Variants in GPD1L observed in about 807,000 individuals in gnomAD.
GPD1L encodes the protein glycerol-3-phosphate dehydrogenase 1-like protein.
In GPD1L, 17 loss-of-function variants were observed where a neutral mutation model predicts 32.9. The observed-to-expected ratio is 0.52, with a 90% CI of 0.35 to 0.78. The LOEUF is 0.78. Among genes scored for constraint, GPD1L ranks in the 30% least tolerant of loss-of-function variants. GPD1L has a pLI of 0.01. For synonymous variants in GPD1L, 187 were observed against 165.9 expected (o/e 1.13, Z -0.98); for missense variants, 361 against 447.8 (o/e 0.81, Z 1.75).
chr3:32,143,720 G>A (rs1204612032), intron 4 of GPD1L, among the ~76,000 whole-genome samples: 1 of 151,810 alleles, frequency 6.6e-6, no homozygotes, highest in Non-Finnish European at 1.5e-5. Flanking sequence ...GCGCACACCT[G>A]TAATCCCAGC....
chr3:32,111,879 G>C (rs972028566), intron 1 of GPD1L, among the ~76,000 whole-genome samples: 1 of 151,112 alleles, frequency 6.6e-6, no homozygotes, highest in African/African-American at 2.4e-5. Flanking sequence ...CATCCGCCCT[G>C]GGCACCCTTT....
intron 1 of GPD1L, among the ~76,000 whole-genome samples, chr3:32,108,936 G>A (rs527791226): frequency 5.6e-4 from 86 of 152,246 alleles, no homozygotes; most frequent in Non-Finnish European, 6.8e-4. Context: ...TGCAAGCTCC[G>A]CTTCCTGGGT....
chr3:32,133,314 T>C (rs1700613776), intron 2 of GPD1L, among the ~76,000 whole-genome samples: 1 of 152,228 alleles, frequency 6.6e-6, no homozygotes, highest in Non-Finnish European at 1.5e-5. Flanking sequence ...AGCCTTGGTA[T>C]CTTTTATTTG....
intron 7 of GPD1L, among the ~76,000 whole-genome samples, chr3:32,160,940 A>G (rs1701066234): frequency 6.6e-6 from 1 of 152,166 alleles, no homozygotes. Context: ...CTCTCCCGTA[A>G]TACTCTCTAG....
At chr3:32,164,721 G>A (rs11129501) in intron 7 of GPD1L, among the ~76,000 whole-genome samples, 83,147 of 152,008 alleles carry the variant, frequency 0.55, 24,539 homozygotes, top group East Asian at 0.86. Flanking sequence ...AAAACATTCC[G>A]TACCTTAAAA....
At chr3:32,116,341 A>G (rs991297250) in intron 1 of GPD1L, among the ~76,000 whole-genome samples, 4 of 152,204 alleles carry the variant, frequency 2.6e-5, no homozygotes, top group African/African-American at 9.6e-5. Context: ...GTCCCAGTCT[A>G]ATTTCAGAGC....
chr3:32,158,488 G>A (rs768190949), intron 5 of GPD1L: 15 of 326,126 alleles, frequency 4.6e-5, no homozygotes, highest in African/African-American at 8.6e-5. Flanking sequence ...TCTTCAATCC[G>A]TGCACTTAGG....
chr3:32,120,978 C>T (rs922446874), intron 1 of GPD1L, among the ~76,000 whole-genome samples: 1 of 152,044 alleles, frequency 6.6e-6, no homozygotes, highest in Admixed American at 6.5e-5. Flanking sequence ...GTTAGGACCT[C>T]CTGCAGGCGG....
At position 32,110,214 on chromosome 3, in the gene GPD1L, G is replaced by A. The variant is rs973419099; in HGVS notation, c.47+3456G>A. On this transcript the variant is annotated intron_variant, in intron 1 of 7. Transcript: ENST00000282541. Reference sequence around the variant, plus strand: ...ATTACAGGCGTAAGCCACTGCGCCCGGCCTAAATCGTGTTTCTTAAATTGT... The same window carrying A: ...ATTACAGGCGTAAGCCACTGCGCCCAGCCTAAATCGTGTTTCTTAAATTGT... Among the ~76,000 whole-genome samples the A allele has an allele frequency of 2.0e-5, 3 of 152,224 alleles. No homozygotes were observed. The East Asian group carries it at 5.8e-4, about 29-fold the overall frequency.
At chr3:32,150,565 C>T (rs1163777361) in intron 5 of GPD1L, among the ~76,000 whole-genome samples, 1 of 150,516 alleles carries the variant, frequency 6.6e-6, no homozygotes, top group Non-Finnish European at 1.5e-5. Context: ...CAGCTTACTG[C>T]AACCTCTGCC....
intron 4 of GPD1L, among the ~76,000 whole-genome samples, chr3:32,145,338 C>T (rs1164103167): frequency 1.3e-5 from 2 of 150,712 alleles, no homozygotes; most frequent in Admixed American, 6.6e-5. Flanking sequence ...AATAAAGTTA[C>T]TACCTATTAT....
intron 1 of GPD1L, 23 bp from the exon 2 acceptor site, chr3:32,128,053 C>G (rs1360499240): frequency 1.3e-6 from 2 of 1,570,114 alleles, no homozygotes; most frequent in South Asian, 1.1e-5. Context: ...TTATGTTTTT[C>G]TTTTCCACGA....
In GPD1L at chr3:32,158,636, C is replaced by T. The variant is rs1021587216; in HGVS notation, c.619-240C>T. On this transcript the variant is annotated intron_variant, in intron 5 of 7. Transcript: ENST00000282541. Reference sequence around the variant, plus strand: ...CCGTTCTGATTTTCTGTCCAATGCTCTTCAACTGCTGACCCCAAATATGGG... The same window carrying T: ...CCGTTCTGATTTTCTGTCCAATGCTTTTCAACTGCTGACCCCAAATATGGG... 3.9e-6 allele frequency: 3 copies of T among 769,626 alleles called. No individual in the cohort carries two copies. The African/African-American group carries it at 5.3e-5, about 14-fold the overall frequency. 47.7% of individuals were successfully genotyped at this position (769,626 alleles called of 1,614,324 possible). A position where few individuals can be genotyped will look rare whatever the true frequency, so the allele number is the denominator to read the frequency against.
At chr3:32,115,392 C>G (rs974009398) in intron 1 of GPD1L, among the ~76,000 whole-genome samples, 7 of 152,184 alleles carry the variant, frequency 4.6e-5, no homozygotes, top group Non-Finnish European at 7.4e-5. Flanking sequence ...AATACTTTAG[C>G]TAGGCAGAAA....
At chr3:32,143,651 T>G (rs933225395) in intron 4 of GPD1L, among the ~76,000 whole-genome samples, 4 of 152,080 alleles carry the variant, frequency 2.6e-5, no homozygotes, top group Non-Finnish European at 5.9e-5. Flanking sequence ...GAGACCAGCC[T>G]GGGCAACATA....
At chr3:32,161,422 G>A (rs1701072274) in intron 7 of GPD1L, among the ~76,000 whole-genome samples, 1 of 152,164 alleles carries the variant, frequency 6.6e-6, no homozygotes, top group Non-Finnish European at 1.5e-5. Context: ...CTTAGCAGCA[G>A]ACAGTGATAT....
At chr3:32,157,823 A>G (rs753932501) in intron 5 of GPD1L, among the ~76,000 whole-genome samples, 1 of 152,208 alleles carries the variant, frequency 6.6e-6, no homozygotes, top group Non-Finnish European at 1.5e-5. Flanking sequence ...CAAAACAGGC[A>G]GTTGGCCTAG....
At chr3:32,155,057 G>C (rs1700968385) in intron 5 of GPD1L, among the ~76,000 whole-genome samples, 1 of 152,128 alleles carries the variant, frequency 6.6e-6, no homozygotes, top group Admixed American at 6.5e-5. Flanking sequence ...TACCTCCCAA[G>C]CCTTGGTGTA....
chr3:32,138,158 A>G (rs78404763), intron 2 of GPD1L, among the ~76,000 whole-genome samples: 4,504 of 152,268 alleles, frequency 0.03, 316 homozygotes, highest in East Asian at 0.25. Context: ...TCTCCTGACA[A>G]TGCCTCCCAT....
Sources: allele counts gnomAD v4.1 joint callset (sites outside exome capture counted in the v4.1 genomes callset), GRCh38; gene constraint gnomAD v4.1.1; transcripts MANE v1.5; gene names NCBI Gene and HGNC (gene_info 2026-07-23, HGNC 2026-07-21).